Variants in TAF15 observed in about 807,000 individuals in gnomAD.
TAF15 encodes the protein TATA-box binding protein associated factor 15.
In TAF15, 37 loss-of-function variants were observed where a neutral mutation model predicts 102.5. The ratio of observed to expected loss-of-function variants is 0.36; its 90% CI spans 0.28 to 0.47. The LOEUF (loss-of-function observed/expected upper bound fraction) is 0.47, where lower values mean the gene tolerates loss of function less well. Ranked by LOEUF, TAF15 falls within the 20% of genes least tolerant of loss-of-function variation. The pLI is 0.99. For synonymous variants in TAF15, 273 were observed against 259.2 expected (o/e 1.05, Z -0.51); for missense variants, 652 against 760.7 (o/e 0.86, Z 1.68).
intron 7 of TAF15, among the ~76,000 whole-genome samples, chr17:35,825,244 A>G (rs1361197411): frequency 6.6e-6 from 1 of 152,216 alleles, no homozygotes; most frequent in Non-Finnish European, 1.5e-5. Flanking sequence ...TGGAAAAACT[A>G]AATTTTAAAC....
At chr17:35,831,936 G>A (rs1279713138) in intron 7 of TAF15, among the ~76,000 whole-genome samples, 1 of 152,096 alleles carries the variant, frequency 6.6e-6, no homozygotes. Context: ...CAAAAAATTA[G>A]CCGGGCGTGG....
intron 2 of TAF15, 117 bp from the exon 3 acceptor site, chr17:35,819,907 G>A: frequency 1.1e-6 from 1 of 899,254 alleles, no homozygotes. Context: ...GGAGATTGAT[G>A]ATTTCTCAGC....
intron 6 of TAF15, among the ~76,000 whole-genome samples, chr17:35,823,426 G>A (rs548265721): frequency 1.3e-5 from 2 of 152,092 alleles, no homozygotes; most frequent in Non-Finnish European, 2.9e-5. Context: ...GGGGCCGGGC[G>A]CAGTGGCTCA....
At chr17:35,814,948 TA>T (rs577690853) in intron 1 of TAF15, among the ~76,000 whole-genome samples, 10 of 151,478 alleles carry the variant, frequency 6.6e-5, no homozygotes, top group Admixed American at 5.3e-4. Flanking sequence ...TATGGGAAGT[TA>T]AAAAAAATAC....
intron 2 of TAF15, among the ~76,000 whole-genome samples, chr17:35,819,404 TAGTC>T (rs1394382851): frequency 6.6e-6 from 1 of 152,210 alleles, no homozygotes; most frequent in Non-Finnish European, 1.5e-5. Context: ...TACATTTATT[TAGTC>T]AGTCAACAAA....
At chr17:35,823,946 T>C (rs985905808) in intron 6 of TAF15, 132 bp from the exon 7 acceptor site, 7 of 1,095,778 alleles carry the variant, frequency 6.4e-6, no homozygotes, top group Non-Finnish European at 8.3e-6. Flanking sequence ...TTATGATGAC[T>C]TGCATTTGAG....
Position 35,819,550 on chromosome 17 carries a change from C to G in TAF15, c.48-474C>G, listed in dbSNP as rs78578571. On this transcript the variant is annotated intron_variant, in intron 2 of 15. Coordinates refer to ENST00000605844, the MANE Select transcript of TAF15 (RefSeq NM_139215.3). The stretch of plus-strand genomic sequence containing the variant: ...TTTAAACTGGACTTCTAGTGCCTCC[C>G]TGTGCATCTTTTAGGAAGTTAAAGC... Among the ~76,000 whole-genome samples, 619 of 152,242 alleles carry G rather than the reference C, an allele frequency of 4.1e-3. 4 individuals are homozygous for G. Among genetic ancestry groups the G allele is most frequent in the African/African-American group, 0.014 (597 of 41,546 alleles).
At chr17:35,827,236 T>A (rs2087341308) in intron 7 of TAF15, among the ~76,000 whole-genome samples, 1 of 150,372 alleles carries the variant, frequency 6.7e-6, no homozygotes, top group African/African-American at 2.5e-5. Flanking sequence ...CCCTGGAGGC[T>A]GAGGGAGGAG....
intron 2 of TAF15, among the ~76,000 whole-genome samples, chr17:35,819,750 A>G (rs1412685457): frequency 6.6e-6 from 1 of 152,164 alleles, no homozygotes; most frequent in Non-Finnish European, 1.5e-5. Flanking sequence ...GGAATTTTCT[A>G]GCTCTTACCA....
rs146121418 is a variant in TAF15 at position 35,843,921 on chromosome 17, C to T, written c.1007-156C>T. Among the ~76,000 whole-genome samples the T allele has an allele frequency of 2.3e-3, 355 of 152,276 alleles. 2 individuals carry two copies. The highest frequency in any genetic ancestry group is 8.0e-3 in the African/African-American group (333 of 41,548). On this transcript the variant is annotated intron_variant, in intron 12 of 15. Coordinates refer to ENST00000605844, the MANE Select transcript of TAF15 (RefSeq NM_139215.3). ...GGTCCTCTGTTTACTAAGTACAAGA[C>T]CCAAATCAAAGAATTACAAAGTCCT... is the stretch of plus-strand genomic sequence containing the variant.
chr17:35,810,409 G>A (rs1406273479), intron 1 of TAF15: 3 of 152,486 alleles, frequency 2.0e-5, no homozygotes, highest in Non-Finnish European at 4.4e-5. Context: ...AGAGGCATTA[G>A]TCTCTTCAGG....
chr17:35,814,968 GTAAT>G (rs1214549273), intron 1 of TAF15, among the ~76,000 whole-genome samples: 1 of 152,052 alleles, frequency 6.6e-6, no homozygotes, highest in Admixed American at 6.6e-5. Context: ...ACCTCTTTGT[GTAAT>G]TAATAGATCA....
intron 11 of TAF15, among the ~76,000 whole-genome samples, chr17:35,840,999 A>G (rs1419327426): frequency 6.6e-6 from 1 of 152,256 alleles, no homozygotes; most frequent in East Asian, 1.9e-4. Context: ...TGCTTTCATA[A>G]GAATGAGAGA....
At chr17:35,831,021 T>G (rs372726412) in intron 7 of TAF15, among the ~76,000 whole-genome samples, 51 of 152,308 alleles carry the variant, frequency 3.3e-4, no homozygotes, top group Middle Eastern at 3.4e-3. Context: ...AGACTAGTTC[T>G]TTTTCCAGTG....
Position 35,822,687 on chromosome 17 carries a change from A to G in TAF15, c.338A>G (p.Gln113Arg). The G allele has an allele frequency of 6.2e-7, 1 of 1,614,206 alleles. No individual in the cohort carries two copies. The highest frequency in any genetic ancestry group is 8.5e-7 in the Non-Finnish European group (1 of 1,180,036). The change falls in exon 6 of 16, where the codon CAA becomes CGA. Residue 113 changes from glutamine (Q) to arginine (R), a missense_variant. By Grantham distance (43) the Gln-to-Arg change is conservative. This residue lies in a region of TAF15 where 243 missense variants were observed against 284.1 expected (regional missense o/e 0.86). Coordinates refer to ENST00000605844, the MANE Select transcript of TAF15 (RefSeq NM_139215.3). ...TATGACCAGCCAGACTATGGTCAACAAGATTCATATGACCAGCAGTCAGGC... is the reference window on the plus strand; with the variant it reads ...TATGACCAGCCAGACTATGGTCAACGAGATTCATATGACCAGCAGTCAGGC... ...PSYDQPDYGQ[Q>R]DSYDQQSGYD...
chr17:35,845,288 T>C (rs1043409636), intron 15 of TAF15, among the ~76,000 whole-genome samples: 25 of 152,180 alleles, frequency 1.6e-4, no homozygotes, highest in African/African-American at 6.0e-4. Context: ...AGGGTCTTGC[T>C]CTGTCATCCA....
At chr17:35,818,814 GAA>G (rs202084069) in intron 2 of TAF15, 4 of 129,842 alleles carry the variant, frequency 3.1e-5, no homozygotes, top group Non-Finnish European at 3.3e-5. Flanking sequence ...ACCCTGTCTC[GAA>G]AAAAAAAAAA....
intron 11 of TAF15, 83 bp from the exon 12 acceptor site, chr17:35,842,284 A>G: frequency 1.9e-6 from 2 of 1,055,898 alleles, no homozygotes; most frequent in Non-Finnish European, 2.9e-6. Flanking sequence ...TCTGAAACTA[A>G]AGATTTCCAA....
chr17:35,819,800 T>C (rs1379762894), intron 2 of TAF15, among the ~76,000 whole-genome samples: 1 of 152,200 alleles, frequency 6.6e-6, no homozygotes, highest in East Asian at 1.9e-4. Context: ...AACAAAACTT[T>C]GGGTATTTGT....
Sources: gnomAD v4.1 joint callset for allele counts (sites outside exome capture counted in the v4.1 genomes callset) on GRCh38, gnomAD v4.1.1 for gene constraint, gnomAD v4.1.1 regional missense constraint, MANE v1.5 for transcripts, NCBI Gene and HGNC (gene_info 2026-07-23, HGNC 2026-07-21) for gene names.